Variants in CCDC60 observed in about 807,000 individuals in gnomAD.
The protein encoded by CCDC60 is coiled-coil domain containing 60, also known as coiled-coil domain-containing protein 60.
Under a neutral mutation model 63.5 loss-of-function variants are expected in CCDC60, and 54 were observed. The observed-to-expected ratio is 0.85, with a 90% CI of 0.68 to 1.07. The LOEUF (loss-of-function observed/expected upper bound fraction) is 1.07. CCDC60 is among the 50% of genes least tolerant of loss of function. The pLI is 0.00. For synonymous variants in CCDC60, 206 were observed against 238.8 expected (o/e 0.86, Z 1.27); for missense variants, 651 against 684.3 (o/e 0.95, Z 0.54).
chr12:119,418,552 C>CTACA (rs373560063), intron 1 of CCDC60, among the ~76,000 whole-genome samples: 1 of 151,544 alleles, frequency 6.6e-6, no homozygotes, highest in African/African-American at 2.4e-5. Flanking sequence ...GTAGCTGGGA[C>CTACA]TACAGGTGCA....
chr12:119,367,628 C>T (rs1056135369), intron 1 of CCDC60, among the ~76,000 whole-genome samples: 1 of 152,048 alleles, frequency 6.6e-6, no homozygotes, highest in Non-Finnish European at 1.5e-5. Context: ...CCCAAAAGTC[C>T]GTGAAGTGAC....
chr12:119,523,051 C>T (rs1001171693), intron 10 of CCDC60, 50 bp downstream of exon 10: 1 of 1,483,362 alleles, frequency 6.7e-7, no homozygotes, highest in East Asian at 2.3e-5. Context: ...AATATGGTGA[C>T]CACACCCTCT....
intron 4 of CCDC60, 137 bp from the exon 5 acceptor site, chr12:119,488,622 A>G (rs2136375203): frequency 1.5e-6 from 1 of 688,356 alleles, no homozygotes; most frequent in East Asian, 2.7e-5. Flanking sequence ...TGATACATGC[A>G]AAATACTTGC....
chr12:119,387,817 T>G (rs922525595), intron 1 of CCDC60, among the ~76,000 whole-genome samples: 1 of 152,102 alleles, frequency 6.6e-6, no homozygotes, highest in East Asian at 1.9e-4. Flanking sequence ...TTTCCCTAGG[T>G]CCCCTCTGAC....
At chr12:119,339,440 TC>T (rs1315560699) in intron 1 of CCDC60, among the ~76,000 whole-genome samples, 12 of 152,226 alleles carry the variant, frequency 7.9e-5, no homozygotes, top group African/African-American at 2.9e-4. Context: ...TCCTAAAACT[TC>T]CAGGAACCAT....
chr12:119,478,013 A>G (rs1951216361), intron 3 of CCDC60, among the ~76,000 whole-genome samples: 1 of 152,172 alleles, frequency 6.6e-6, no homozygotes, highest in African/African-American at 2.4e-5. Flanking sequence ...GGCCATGGAC[A>G]GAAAAATATA....
At chr12:119,485,612 C>A (rs518202) in intron 4 of CCDC60, among the ~76,000 whole-genome samples, 3 of 151,794 alleles carry the variant, frequency 2.0e-5, no homozygotes, top group African/African-American at 7.3e-5. Flanking sequence ...GCAGCCCTGG[C>A]GTCTCTTTAG....
chr12:119,507,606 A>ATTTT (rs1418057144), intron 7 of CCDC60, among the ~76,000 whole-genome samples: 2 of 26,178 alleles, frequency 7.6e-5, no homozygotes, highest in African/African-American at 4.1e-4. Flanking sequence ...ATATATATAT[A>ATTTT]TATATATATT....
intron 1 of CCDC60, among the ~76,000 whole-genome samples, chr12:119,365,231 C>T (rs754554984): frequency 3.3e-5 from 5 of 152,156 alleles, no homozygotes; most frequent in East Asian, 1.9e-4. Context: ...TGTCCTGAGA[C>T]GAGCCCTGGT....
intron 5 of CCDC60, among the ~76,000 whole-genome samples, chr12:119,492,996 A>G (rs1357854078): frequency 6.6e-6 from 1 of 150,584 alleles, no homozygotes; most frequent in Non-Finnish European, 1.5e-5. Flanking sequence ...GTGAACAGAC[A>G]AGTATGCAAA....
chr12:119,456,775 A>G lies in CCDC60; in HGVS notation c.171-15219A>G, dbSNP rs1950756850. On this transcript the variant is annotated intron_variant, in intron 2 of 13. Transcript: ENST00000327554. The surrounding 1 kb of genome is among the most constrained non-coding windows in gnomAD (Gnocchi z 4.6). The stretch of plus-strand genomic sequence containing the variant: ...ATTGCCATGGCATTGGTAAACTGTC[A>G]TGGCGCTGACAGGAGTGTAGCAGTG... Among the ~76,000 whole-genome samples, 1 of 152,222 alleles carries G rather than the reference A, an allele frequency of 6.6e-6. No homozygotes were observed. The highest frequency in any genetic ancestry group is 2.4e-5 in the African/African-American group (1 of 41,454).
At chr12:119,412,168 C>T (rs1267580247) in intron 1 of CCDC60, among the ~76,000 whole-genome samples, 2 of 152,144 alleles carry the variant, frequency 1.3e-5, no homozygotes, top group East Asian at 3.9e-4. Flanking sequence ...TAAAGCTCAG[C>T]CCAAGAGTCA....
At chr12:119,416,985 G>A (rs1427807638) in intron 1 of CCDC60, among the ~76,000 whole-genome samples, 3 of 152,154 alleles carry the variant, frequency 2.0e-5, no homozygotes, top group Admixed American at 6.5e-5. Flanking sequence ...TTCGGGCATG[G>A]TGGCACATGC....
At chr12:119,468,978 C>A (rs1040765248) in intron 2 of CCDC60, among the ~76,000 whole-genome samples, 1 of 151,656 alleles carries the variant, frequency 6.6e-6, no homozygotes, top group African/African-American at 2.4e-5. Flanking sequence ...AGAAAAGCTC[C>A]TTTTTTACCT....
intron 1 of CCDC60, among the ~76,000 whole-genome samples, chr12:119,412,773 ACC>A (rs1209998388): frequency 1.2e-3 from 37 of 30,642 alleles, no homozygotes; most frequent in Non-Finnish European, 2.2e-3. Context: ...ACCCCCCCCC[ACC>A]CCCCCATGCA....
intron 1 of CCDC60, among the ~76,000 whole-genome samples, chr12:119,381,903 C>G (rs766693714): frequency 1.3e-4 from 20 of 152,140 alleles, no homozygotes; most frequent in African/African-American, 3.6e-4. Context: ...AACCAGAGAC[C>G]CTTTAAGGAA....
At position 119,361,101 on chromosome 12, in the gene CCDC60, G is replaced by A. The variant is rs540260612; in HGVS notation, c.90+25835G>A. On this transcript the variant is annotated intron_variant, in intron 1 of 13. Transcript: ENST00000327554. ...GATGGCAGCAGTATAGTCCAGCTTC[G>A]GCTTGGCATGAGAGGGAGACCGTGG... Among the ~76,000 whole-genome samples the A allele has an allele frequency of 4.1e-3, 622 of 151,282 alleles. 6 individuals are homozygous for A. Among genetic ancestry groups the A allele is most frequent in the African/African-American group, 0.014 (586 of 41,248 alleles).
chr12:119,468,922 A>T (rs574064678), intron 2 of CCDC60, among the ~76,000 whole-genome samples: 3 of 151,772 alleles, frequency 2.0e-5, no homozygotes, highest in East Asian at 1.9e-4. Flanking sequence ...AAAAATTAAA[A>T]TTTTTTTAAA....
chr12:119,444,421 C>T (rs1478853464), intron 2 of CCDC60, among the ~76,000 whole-genome samples: 1 of 152,170 alleles, frequency 6.6e-6, no homozygotes. Context: ...ATAAGAACAT[C>T]ATAAGGGCCA....
Sources: allele counts gnomAD v4.1 joint callset (sites outside exome capture counted in the v4.1 genomes callset), GRCh38; gene constraint gnomAD v4.1.1; non-coding constraint Gnocchi (gnomAD v3.1); transcripts MANE v1.5; gene names NCBI Gene and HGNC (gene_info 2026-07-23, HGNC 2026-07-21).